HCRTR2: variants seen among roughly 807,000 people sequenced by gnomAD.
The protein encoded by HCRTR2 is orexin receptor type 2.
A neutral mutation model predicts 49.0 loss-of-function variants in HCRTR2; 22 were observed. That is an observed-to-expected ratio of 0.45 (90% CI 0.32 to 0.64). The LOEUF (loss-of-function observed/expected upper bound fraction) is 0.64, where lower values mean the gene tolerates loss of function less well. Ranked by LOEUF, HCRTR2 falls within the 30% of genes least tolerant of loss-of-function variation. HCRTR2 has a pLI of 0.04. For synonymous variants in HCRTR2, 236 were observed against 205.3 expected, an observed-to-expected ratio of 1.15 and a Z score of -1.28; for missense variants, 491 against 559.4, an observed-to-expected ratio of 0.88 and a Z score of 1.23.
At chr6:55,122,767 C>A (rs1270335592) in intron 1 of HCRTR2, among the ~76,000 whole-genome samples, 1 of 152,022 alleles carries the variant, frequency 6.6e-6, no homozygotes, top group Admixed American at 6.6e-5. Flanking sequence ...CACATGTACA[C>A]CATGGAATAC....
chr6:55,282,471 A>G lies in HCRTR2; in HGVS notation c.*17A>G. The G allele has an allele frequency of 7.6e-7, 1 of 1,324,214 alleles. No homozygotes were observed. The allele number at this position is 1,324,214 out of a possible 1,614,324, so 82.0% of individuals were successfully genotyped here. A position where few individuals can be genotyped will look rare whatever the true frequency, so the allele number is the denominator to read the frequency against. Reference sequence around the variant, plus strand: ...AACTGGTAGAATATTTATTCATATGACAAGGATACCTGAGTAAAACTATCC... The same window carrying G: ...AACTGGTAGAATATTTATTCATATGGCAAGGATACCTGAGTAAAACTATCC... On this transcript the variant is annotated 3_prime_UTR_variant, in exon 7 of 7. Transcript: ENST00000370862.
chr6:55,114,464 C>A (rs970450166), intron 1 of HCRTR2, among the ~76,000 whole-genome samples: 1 of 151,708 alleles, frequency 6.6e-6, no homozygotes, highest in African/African-American at 2.4e-5. Context: ...AGTAATGCTC[C>A]TGTTTCCCTG....
intron 4 of HCRTR2, among the ~76,000 whole-genome samples, chr6:55,269,351 G>A (rs1403292446): frequency 2.0e-5 from 3 of 151,814 alleles, no homozygotes; most frequent in African/African-American, 7.3e-5. Context: ...GGGCAAACAG[G>A]CAAGAGATAA....
At chr6:55,238,304 T>A (rs1766252830) in intron 1 of HCRTR2, among the ~76,000 whole-genome samples, 1 of 152,194 alleles carries the variant, frequency 6.6e-6, no homozygotes, top group Non-Finnish European at 1.5e-5. Context: ...ACCTCGTTAT[T>A]ATTTTTGGCA....
intron 1 of HCRTR2, among the ~76,000 whole-genome samples, chr6:55,157,101 A>C (rs977723126): frequency 6.6e-6 from 1 of 152,188 alleles, no homozygotes; most frequent in African/African-American, 2.4e-5. Context: ...AGATGACATA[A>C]TCTTATACAT....
chr6:55,275,488 C>T (rs1353005313), intron 4 of HCRTR2, among the ~76,000 whole-genome samples: 1 of 151,934 alleles, frequency 6.6e-6, no homozygotes, highest in African/African-American at 2.4e-5. Context: ...TATGTGTCCT[C>T]AAAATGAATG....
In HCRTR2 at chr6:55,116,612, T is replaced by TA. The variant is rs377123307; in HGVS notation, c.-378+10075dup. On this transcript the variant is annotated intron_variant, in intron 1 of 7. Coordinates refer to the HCRTR2 transcript ENST00000615358. ...TGAAATACCTAGAATACAATTGATC[T>TA]AAAAAAAATTCTTTGTTCATATTCA... 3.8e-3 allele frequency among the ~76,000 whole-genome samples: 573 copies of TA among 149,938 alleles called. 6 individuals carry two copies. The highest frequency in any genetic ancestry group is 0.012 in the African/African-American group (505 of 40,948).
In HCRTR2 at chr6:55,275,996, CACAT is replaced by C. The variant is rs566857552; in HGVS notation, c.763-1380_763-1377del. On this transcript the variant is annotated intron_variant, in intron 4 of 6. Transcript: ENST00000370862. ...AGACAGTTCAAGATCATTTAGCAGA[CACAT>C]ACAGGCTTTTCATGATAGGAGTCTC... Among the ~76,000 whole-genome samples, 43 of 152,278 alleles carry C rather than the reference CACAT, an allele frequency of 2.8e-4. 1 individual carries two copies. In the East Asian group the frequency reaches 8.1e-3, roughly 29 times the overall value.
chr6:55,159,558 C>T (rs1764777145), intron 1 of HCRTR2, among the ~76,000 whole-genome samples: 1 of 152,134 alleles, frequency 6.6e-6, no homozygotes, highest in South Asian at 2.1e-4. Flanking sequence ...GGAGCATGTT[C>T]TAACCCAATG....
chr6:55,245,371 G>GTA (rs71767441), intron 1 of HCRTR2, among the ~76,000 whole-genome samples: 6,572 of 137,264 alleles, frequency 0.048, 557 homozygotes, highest in African/African-American at 0.17. Flanking sequence ...ATGTGTGTGT[G>GTA]TATATATATA....
chr6:55,153,452 G>A (rs73743263), intron 1 of HCRTR2, among the ~76,000 whole-genome samples: 1,968 of 152,038 alleles, frequency 0.013, 47 homozygotes, highest in African/African-American at 0.044. Context: ...AATCATTTGT[G>A]TATCTACATA....
At chr6:55,163,022 G>A (rs1764827171) in intron 1 of HCRTR2, among the ~76,000 whole-genome samples, 1 of 152,146 alleles carries the variant, frequency 6.6e-6, no homozygotes, top group Non-Finnish European at 1.5e-5. Flanking sequence ...GCCAAGGCAG[G>A]AGGATCAAGA....
chr6:55,219,782 A>G (rs1381638086), intron 1 of HCRTR2, among the ~76,000 whole-genome samples: 2 of 151,882 alleles, frequency 1.3e-5, no homozygotes, highest in Non-Finnish European at 2.9e-5. Context: ...TTAAAGATCA[A>G]TAAAATTTAC....
At chr6:55,264,786 C>T (rs1446579731) in intron 4 of HCRTR2, among the ~76,000 whole-genome samples, 2 of 152,064 alleles carry the variant, frequency 1.3e-5, no homozygotes, top group Non-Finnish European at 2.9e-5. Context: ...AAACTTACTG[C>T]CGATACTTAC....
chr6:55,141,163 T>G (rs1191065998), intron 1 of HCRTR2, among the ~76,000 whole-genome samples: 2 of 137,294 alleles, frequency 1.5e-5, no homozygotes, highest in Admixed American at 7.4e-5. Flanking sequence ...TGAAATCCCC[T>G]CTCTACTAAA....
At chr6:55,269,937 C>A (rs78380055) in intron 4 of HCRTR2, among the ~76,000 whole-genome samples, 4,142 of 152,224 alleles carry the variant, frequency 0.027, 209 homozygotes, top group African/African-American at 0.092. Context: ...GCACTCCAGC[C>A]TGTGTGGCAG....
In HCRTR2 at chr6:55,162,046, A is replaced by C. The variant is rs372176520; in HGVS notation, c.-377-12165A>C. ...ACATACACACAAAAAAGAAAATTTC[A>C]GGCTAATATATCCCTGATTAACACC... On this transcript the variant is annotated intron_variant, in intron 1 of 7. Transcript: ENST00000615358. Among the ~76,000 whole-genome samples, 6 of 152,252 alleles carry C rather than the reference A, an allele frequency of 3.9e-5. No homozygotes were observed. The East Asian group carries it at 7.7e-4, about 20-fold the overall frequency.
intron 1 of HCRTR2, among the ~76,000 whole-genome samples, chr6:55,162,432 C>A (rs1764819598): frequency 6.6e-6 from 1 of 152,150 alleles, no homozygotes; most frequent in Non-Finnish European, 1.5e-5. Context: ...TGGCACAAGA[C>A]AAGGATGCCC....
chr6:55,248,236 C>T (rs1225182059), intron 1 of HCRTR2, among the ~76,000 whole-genome samples: 8 of 152,180 alleles, frequency 5.3e-5, no homozygotes, highest in Non-Finnish European at 5.9e-5. Flanking sequence ...GGGTCAAGGT[C>T]ATGGATGAGG....
Sources: allele counts gnomAD v4.1 joint callset (sites outside exome capture counted in the v4.1 genomes callset), GRCh38; gene constraint gnomAD v4.1.1; transcripts MANE v1.5; gene names NCBI Gene and HGNC (gene_info 2026-07-23, HGNC 2026-07-21).